TSPAN19: variants seen among roughly 807,000 people sequenced by gnomAD.
TSPAN19 encodes tetraspanin 19.
A neutral mutation model predicts 35.1 loss-of-function variants in TSPAN19; 44 were observed. That is an observed-to-expected ratio of 1.25 (90% confidence interval 0.98 to 1.61). The LOEUF (loss-of-function observed/expected upper bound fraction) is 1.61, where lower values mean the gene tolerates loss of function less well. Ranked by LOEUF, TSPAN19 falls within the 40% of genes most tolerant of loss-of-function variation. The pLI is 0.00. For missense variants in TSPAN19, 290 were observed against 280.0 expected, an observed-to-expected ratio of 1.04 and a Z score of -0.26; for synonymous variants, 79 against 92.0, an observed-to-expected ratio of 0.86 and a Z score of 0.81.
At chr12:85,029,831 CTA>C in intron 2 of TSPAN19, 40 bp from the exon 3 acceptor site, 1 of 1,525,692 alleles carries the variant, frequency 6.6e-7, no homozygotes, top group Admixed American at 2.1e-5. Flanking sequence ...TTGTAATTGC[CTA>C]TACAATAGAT....
intron 4 of TSPAN19, 140 bp from the exon 5 acceptor site, chr12:85,023,540 A>G (rs948542462): frequency 2.6e-5 from 15 of 581,656 alleles, no homozygotes; most frequent in African/African-American, 2.3e-4. Flanking sequence ...CTGCCTTCAC[A>G]AATATGAATG....
At chr12:85,023,583 C>G (rs560079734) in intron 4 of TSPAN19, among the ~76,000 whole-genome samples, 183 bp from the exon 5 acceptor site, 88 of 152,192 alleles carry the variant, frequency 5.8e-4, no homozygotes, top group African/African-American at 2.0e-3. Flanking sequence ...AAGTAAAAAA[C>G]AAATGAACAT....
intron 6 of TSPAN19, among the ~76,000 whole-genome samples, chr12:85,018,021 G>A (rs1876911182): frequency 6.6e-6 from 1 of 151,808 alleles, no homozygotes; most frequent in Admixed American, 6.6e-5. Context: ...AAGAGATGCA[G>A]GGTAATATCT....
chr12:85,018,573 A>G (rs912122560), intron 6 of TSPAN19, among the ~76,000 whole-genome samples: 1 of 151,978 alleles, frequency 6.6e-6, no homozygotes, highest in African/African-American at 2.4e-5. Flanking sequence ...CAATACATGT[A>G]CGGATCACAT....
chr12:85,027,983 CA>C lies in TSPAN19; in HGVS notation c.179del (p.Leu60Ter), dbSNP rs1877501090. The part of the protein sequence containing the change: ...NHFIVPISQI[L>X]IGMGSSTVLF... ...GAACAGTAGAAGATCCCATTCCAAT[CA>C]AAATTTGAGAAATAGGTACTATGAA... On this transcript the variant is annotated frameshift_variant, in exon 4 of 9. Coordinates refer to ENST00000532498, the MANE Select transcript of TSPAN19 (RefSeq NM_001100917.2). LOFTEE classifies it high-confidence loss of function. The C allele has an allele frequency of 6.3e-7, 1 of 1,597,920 alleles. No individual in the cohort carries two copies. Among genetic ancestry groups the C allele is most frequent in the Non-Finnish European group, 8.5e-7 (1 of 1,170,848 alleles).
intron 8 of TSPAN19, 79 bp downstream of exon 8, chr12:85,015,809 T>C: frequency 9.9e-7 from 1 of 1,013,738 alleles, no homozygotes; most frequent in Non-Finnish European, 1.4e-6. Flanking sequence ...TGATTAGGTC[T>C]CCACCTGATT....
In TSPAN19 at chr12:85,028,028, G is replaced by T. The variant is rs1221110188; in HGVS notation, c.140-5C>A. The T allele has an allele frequency of 6.5e-7, 1 of 1,532,200 alleles. No homozygotes were observed. Among genetic ancestry groups the T allele is most frequent in the African/African-American group, 1.4e-5 (1 of 71,434 alleles). The allele number at this position is 1,532,200 out of a possible 1,614,324, so 94.9% of individuals were successfully genotyped here. On this transcript the variant is annotated splice_region_variant and splice_polypyrimidine_tract_variant and intron_variant, in intron 3 of 8. Coordinates refer to ENST00000532498, the MANE Select transcript of TSPAN19 (RefSeq NM_001100917.2). Reference sequence around the variant, plus strand: ...CTATGAAGTGATTATTTTCATCTGTGAAAAGTACAAATTTACTTATTATGA... The same window carrying T: ...CTATGAAGTGATTATTTTCATCTGTTAAAAGTACAAATTTACTTATTATGA...
chr12:85,031,152 ACGGAGTCACTACAG>A (rs1474435483), intron 1 of TSPAN19, among the ~76,000 whole-genome samples: 2 of 152,078 alleles, frequency 1.3e-5, no homozygotes, highest in Non-Finnish European at 2.9e-5. Context: ...TTCTCAGTTT[ACGGAGTCACTACAG>A]GTTATATCTT....
intron 3 of TSPAN19, among the ~76,000 whole-genome samples, chr12:85,029,185 G>T (rs924613153): frequency 1.3e-5 from 2 of 152,066 alleles, no homozygotes; most frequent in Non-Finnish European, 2.9e-5. Context: ...AGCTCTTAGG[G>T]CAATGACTGA....
At chr12:85,019,805 T>C in intron 5 of TSPAN19, 69 bp from the exon 6 acceptor site, 1 of 798,966 alleles carries the variant, frequency 1.3e-6, no homozygotes, top group South Asian at 1.8e-5. Context: ...TAGAAATTGA[T>C]GGTTCCTCAA....
chr12:85,032,088 G>A (rs1268761743), intron 1 of TSPAN19, among the ~76,000 whole-genome samples: 2 of 152,052 alleles, frequency 1.3e-5, no homozygotes, highest in East Asian at 3.9e-4. Context: ...TAAAAATTCA[G>A]GAAAATGGTT....
chr12:85,020,658 G>T (rs1221804234), intron 5 of TSPAN19, among the ~76,000 whole-genome samples: 1 of 151,960 alleles, frequency 6.6e-6, no homozygotes, highest in Non-Finnish European at 1.5e-5. Context: ...TATAGCATCA[G>T]ATCCTCATTC....
intron 8 of TSPAN19, chr12:85,015,202 C>A (rs139485622): frequency 6.6e-6 from 1 of 152,000 alleles, no homozygotes; most frequent in East Asian, 1.9e-4. Context: ...CACTATAACA[C>A]TCTATTTACT....
intron 6 of TSPAN19, among the ~76,000 whole-genome samples, chr12:85,017,872 T>C (rs1046129861): frequency 1.3e-5 from 2 of 151,858 alleles, no homozygotes; most frequent in East Asian, 1.9e-4. Context: ...GGATAGAAGA[T>C]ATACTTGATA....
intron 4 of TSPAN19, among the ~76,000 whole-genome samples, chr12:85,025,074 T>G (rs947827361): frequency 1.2e-4 from 18 of 151,836 alleles, no homozygotes; most frequent in Admixed American, 1.1e-3. Flanking sequence ...AACTTCTACA[T>G]GCAATATCTC....
At chr12:85,035,900 T>C (rs1877979115) in intron 1 of TSPAN19, among the ~76,000 whole-genome samples, 1 of 152,090 alleles carries the variant, frequency 6.6e-6, no homozygotes, top group South Asian at 2.1e-4. Context: ...TGGGCATTGA[T>C]TGATGATTTT....
At chr12:85,015,797 T>C in intron 8 of TSPAN19, 91 bp downstream of exon 8, 1 of 883,894 alleles carries the variant, frequency 1.1e-6, no homozygotes, top group Non-Finnish European at 1.7e-6. Context: ...TATGAACTTA[T>C]CTGATTAGGT....
At chr12:85,016,625 TC>T (rs1876821367) in intron 7 of TSPAN19, 1 of 151,918 alleles carries the variant, frequency 6.6e-6, no homozygotes, top group Non-Finnish European at 1.5e-5. Context: ...ATGACTCATG[TC>T]CCAGGAGGGA....
chr12:85,034,048 G>T (rs569971158), intron 1 of TSPAN19, among the ~76,000 whole-genome samples: 1 of 152,146 alleles, frequency 6.6e-6, no homozygotes, highest in South Asian at 2.1e-4. Context: ...CTGTGAAGTG[G>T]TTGGTCATGA....
Sources: gnomAD v4.1 joint callset for allele counts (sites outside exome capture counted in the v4.1 genomes callset) on GRCh38, gnomAD v4.1.1 for gene constraint, MANE v1.5 for transcripts, NCBI Gene and HGNC (gene_info 2026-07-23, HGNC 2026-07-21) for gene names.